SLC2A9: variants seen among roughly 807,000 people sequenced by gnomAD.
SLC2A9 encodes the protein solute carrier family 2 member 9.
SLC2A9 carries 39 observed loss-of-function variants against 50.6 expected under a neutral mutation model. That is an observed-to-expected ratio of 0.77 (90% CI 0.60 to 1.01). SLC2A9 has a LOEUF of 1.01. Ranked by LOEUF, SLC2A9 falls within the 50% of genes least tolerant of loss-of-function variation. SLC2A9 has a pLI of 0.00. For synonymous variants in SLC2A9, 324 were observed against 276.9 expected, an observed-to-expected ratio of 1.17 and a Z score of -1.69; for missense variants, 686 against 677.6, an observed-to-expected ratio of 1.01 and a Z score of -0.14.
At chr4:10,013,556 A>G (rs1269487080) in intron 2 of SLC2A9, among the ~76,000 whole-genome samples, 1 of 152,192 alleles carries the variant, frequency 6.6e-6, no homozygotes, top group East Asian at 1.9e-4. Flanking sequence ...CTGCCTTGCA[A>G]TATTATAACA....
downstream of SLC2A9, among the ~76,000 whole-genome samples, chr4:9,798,504 C>A (rs1720886129): frequency 3.3e-5 from 5 of 152,236 alleles, no homozygotes; most frequent in Middle Eastern, 6.8e-3. Context: ...CCCCCAACTT[C>A]CCCGCCTCAC....
downstream of SLC2A9, among the ~76,000 whole-genome samples, chr4:9,775,008 C>A (rs1227008373): frequency 6.6e-6 from 1 of 152,180 alleles, no homozygotes; most frequent in Non-Finnish European, 1.5e-5. Flanking sequence ...CCTTGTGAGA[C>A]ATGCTTGCAC....
intron 11 of SLC2A9, 99 bp from the exon 12 acceptor site, chr4:9,826,699 T>G: frequency 9.3e-7 from 1 of 1,080,040 alleles, no homozygotes; most frequent in East Asian, 2.5e-5. Context: ...CACATTCATA[T>G]ACCAATACTC....
chr4:9,922,302 A>G (rs1744081481), intron 6 of SLC2A9, among the ~76,000 whole-genome samples: 1 of 148,782 alleles, frequency 6.7e-6, no homozygotes, highest in Admixed American at 6.7e-5. Context: ...GGAACAACAC[A>G]CACCAGAGCC....
intron 1 of SLC2A9, among the ~76,000 whole-genome samples, chr4:9,772,606 C>G (rs1716970668): frequency 6.6e-6 from 1 of 152,160 alleles, no homozygotes. Context: ...GAGCCTGGCC[C>G]CCAGTCTGAG....
At chr4:9,972,778 C>G (rs1433087856) in intron 5 of SLC2A9, among the ~76,000 whole-genome samples, 1 of 152,168 alleles carries the variant, frequency 6.6e-6, no homozygotes, top group African/African-American at 2.4e-5. Flanking sequence ...ACCAAAATCT[C>G]TGAGATGCAG....
intron 5 of SLC2A9, among the ~76,000 whole-genome samples, chr4:9,962,001 C>T (rs903609450): frequency 6.6e-5 from 10 of 152,142 alleles, no homozygotes; most frequent in African/African-American, 2.4e-4. Context: ...AAATGCAAAT[C>T]AAAACCACAG....
At chr4:9,812,532 C>T (rs1455595245) in intron 3 of SLC2A9, among the ~76,000 whole-genome samples, 1 of 151,720 alleles carries the variant, frequency 6.6e-6, no homozygotes, top group Admixed American at 6.6e-5. Flanking sequence ...AACTATAAGC[C>T]CTTTCTAACA....
intron 10 of SLC2A9, chr4:9,879,466 G>T: frequency 2.0e-6 from 2 of 985,324 alleles, no homozygotes; most frequent in African/African-American, 1.7e-5. Flanking sequence ...GGGAGAATGC[G>T]GGATAGAGAG....
chr4:9,927,824 C>A (rs535073573), intron 6 of SLC2A9, among the ~76,000 whole-genome samples: 285 of 152,270 alleles, frequency 1.9e-3, no homozygotes, highest in African/African-American at 6.6e-3. Flanking sequence ...CAGGGCTCCA[C>A]CGTGTGGAGA....
intron 8 of SLC2A9, among the ~76,000 whole-genome samples, chr4:9,893,374 G>A (rs1236396586): frequency 1.3e-5 from 2 of 152,024 alleles, no homozygotes; most frequent in Non-Finnish European, 2.9e-5. Context: ...TCTTTATAAC[G>A]CAGGCAGAAT....
intron 2 of SLC2A9, among the ~76,000 whole-genome samples, chr4:10,000,959 A>C (rs1302076730): frequency 1.3e-5 from 2 of 152,134 alleles, no homozygotes; most frequent in African/African-American, 4.8e-5. Flanking sequence ...TTAGGGTTGA[A>C]TTGTATCTAA....
At chr4:9,796,911 C>A (rs1720660868), downstream of SLC2A9, among the ~76,000 whole-genome samples, 1 of 152,270 alleles carries the variant, frequency 6.6e-6, no homozygotes, top group South Asian at 2.1e-4. Context: ...ATTCCATTAG[C>A]TGAAGCAAGT....
chr4:9,921,513 A>G (rs983317066), intron 6 of SLC2A9, among the ~76,000 whole-genome samples: 5 of 152,242 alleles, frequency 3.3e-5, no homozygotes, highest in African/African-American at 1.2e-4. Context: ...TTCCAGACAC[A>G]GCAGGCAGCA....
chr4:9,852,766 A>G (rs1730168344), intron 10 of SLC2A9, among the ~76,000 whole-genome samples: 1 of 152,274 alleles, frequency 6.6e-6, no homozygotes. Context: ...ACTTAAGTAC[A>G]CAGACCAGTG....
intron 11 of SLC2A9, among the ~76,000 whole-genome samples, chr4:9,828,603 A>G (rs1184641976): frequency 6.6e-6 from 1 of 152,178 alleles, no homozygotes; most frequent in Non-Finnish European, 1.5e-5. Flanking sequence ...ATTAGGCCTC[A>G]GAATCTTTGC....
chr4:9,990,401 T>C (rs538229430), intron 3 of SLC2A9, among the ~76,000 whole-genome samples: 3 of 152,206 alleles, frequency 2.0e-5, no homozygotes, highest in African/African-American at 7.2e-5. Flanking sequence ...TAAATACATA[T>C]GGTTCTTACG....
At chr4:9,906,945 C>A (rs1005935179) in intron 8 of SLC2A9, among the ~76,000 whole-genome samples, 2 of 152,214 alleles carry the variant, frequency 1.3e-5, no homozygotes, top group Non-Finnish European at 2.9e-5. Context: ...CATTCCTCTA[C>A]ATTTTTTATG....
chr4:9,897,581 A>G (rs570444636), intron 8 of SLC2A9, among the ~76,000 whole-genome samples: 1 of 152,248 alleles, frequency 6.6e-6, no homozygotes, highest in African/African-American at 2.4e-5. Context: ...CCTTGAGCCA[A>G]TGGAAAAGGG....
Sources: gnomAD v4.1 joint callset for allele counts (sites outside exome capture counted in the v4.1 genomes callset) on GRCh38, gnomAD v4.1.1 for gene constraint, MANE v1.5 for transcripts, NCBI Gene and HGNC (gene_info 2026-07-23, HGNC 2026-07-21) for gene names.